PPM1L: variants seen among roughly 807,000 people sequenced by gnomAD.
PPM1L encodes protein phosphatase 1L.
PPM1L carries 13 observed loss-of-function variants against 31.4 expected under a neutral mutation model. That is an observed-to-expected ratio of 0.41 (90% CI 0.27 to 0.66). The LOEUF is 0.66. Among genes scored for constraint, PPM1L ranks in the 30% least tolerant of loss-of-function variants. PPM1L has a pLI of 0.29. For synonymous variants in PPM1L, 184 were observed against 175.4 expected (o/e 1.05, Z -0.39); for missense variants, 326 against 453.7 (o/e 0.72, Z 2.56).
At chr3:161,054,776 A>G (rs758431824) in intron 2 of PPM1L, among the ~76,000 whole-genome samples, 1 of 152,190 alleles carries the variant, frequency 6.6e-6, no homozygotes, top group Non-Finnish European at 1.5e-5. Flanking sequence ...ATGTATGCCA[A>G]GGACTAAGTA....
At chr3:160,965,996 TTCTC>T (rs1256820054) in intron 2 of PPM1L, among the ~76,000 whole-genome samples, 1 of 152,162 alleles carries the variant, frequency 6.6e-6, no homozygotes, top group East Asian at 1.9e-4. Flanking sequence ...CTTTTTCTCT[TTCTC>T]TCTCTCTTCC....
At chr3:160,909,919 T>C (rs1713896410) in intron 1 of PPM1L, among the ~76,000 whole-genome samples, 1 of 152,188 alleles carries the variant, frequency 6.6e-6, no homozygotes. Flanking sequence ...TCTGGGTTTC[T>C]GAAAAATGTG....
intron 2 of PPM1L, among the ~76,000 whole-genome samples, chr3:160,984,583 G>A (rs1716903683): frequency 6.6e-6 from 1 of 152,162 alleles, no homozygotes; most frequent in East Asian, 1.9e-4. Context: ...AATCACAAGA[G>A]TATTGATTGG....
At chr3:161,009,541 A>G (rs1717820833) in intron 2 of PPM1L, among the ~76,000 whole-genome samples, 1 of 152,094 alleles carries the variant, frequency 6.6e-6, no homozygotes, top group African/African-American at 2.4e-5. Flanking sequence ...CTTCCTTTTC[A>G]TTCATTACTC....
chr3:161,033,586 T>G (rs1718646851), intron 2 of PPM1L, among the ~76,000 whole-genome samples: 1 of 152,122 alleles, frequency 6.6e-6, no homozygotes, highest in African/African-American at 2.4e-5. Context: ...AAACAAGCAA[T>G]GGGGAAAGGA....
intron 1 of PPM1L, among the ~76,000 whole-genome samples, chr3:160,802,478 C>T (rs1281708787): frequency 6.6e-6 from 1 of 152,144 alleles, no homozygotes. Context: ...AGGTAGACAA[C>T]AGGGTCTCAT....
At chr3:160,887,111 G>A (rs752637717) in intron 1 of PPM1L, among the ~76,000 whole-genome samples, 5 of 151,812 alleles carry the variant, frequency 3.3e-5, no homozygotes, top group Admixed American at 6.6e-5. Context: ...AAGGATATCA[G>A]AGTTTTAAGA....
At chr3:160,833,063 T>G (rs1205480321) in intron 1 of PPM1L, among the ~76,000 whole-genome samples, 2 of 152,246 alleles carry the variant, frequency 1.3e-5, no homozygotes, top group South Asian at 2.1e-4. Flanking sequence ...GATAATGTCT[T>G]CCAGCTTCAT....
chr3:160,914,940 C>G (rs1475956131), intron 1 of PPM1L, among the ~76,000 whole-genome samples: 1 of 152,128 alleles, frequency 6.6e-6, no homozygotes, highest in Non-Finnish European at 1.5e-5. Context: ...TCCACATCCT[C>G]TCCAGCACCT....
chr3:161,072,541 T>G lies in PPM1L; in HGVS notation c.*3384T>G, dbSNP rs1719960075. 1 of 152,244 alleles carries G rather than the reference T, an allele frequency of 6.6e-6. No homozygotes were observed. The highest frequency in any genetic ancestry group is 1.5e-5 in the Non-Finnish European group (1 of 68,048). 9.4% of individuals were successfully genotyped at this position (152,244 alleles called of 1,614,324 possible). A position where few individuals can be genotyped will look rare whatever the true frequency, so the allele number is the denominator to read the frequency against. ...AGAGTGATGGCATCATCATTTCAAT[T>G]GAATCTGAAGTGATTCTAGGAAATT... On this transcript the variant is annotated 3_prime_UTR_variant, in exon 4 of 4. Coordinates refer to ENST00000498165, the MANE Select transcript of PPM1L (RefSeq NM_139245.4).
intron 1 of PPM1L, among the ~76,000 whole-genome samples, chr3:160,878,796 A>G (rs752140294): frequency 1.3e-5 from 2 of 152,232 alleles, no homozygotes; most frequent in African/African-American, 2.4e-5. Context: ...GGAAGGCACC[A>G]GTGATCCTTT....
At chr3:160,865,546 G>C (rs921157252) in intron 1 of PPM1L, among the ~76,000 whole-genome samples, 5 of 152,198 alleles carry the variant, frequency 3.3e-5, no homozygotes, top group African/African-American at 1.2e-4. Flanking sequence ...GGAGGCCAAG[G>C]TGGGCAGATC....
chr3:160,850,892 G>GC (rs928059809), intron 1 of PPM1L, among the ~76,000 whole-genome samples: 5 of 149,530 alleles, frequency 3.3e-5, no homozygotes, highest in East Asian at 2.0e-4. Context: ...GGTGGGGGGG[G>GC]GGTCATTATT....
chr3:160,792,296 G>T (rs1040827101), intron 1 of PPM1L, among the ~76,000 whole-genome samples: 1 of 152,008 alleles, frequency 6.6e-6, no homozygotes, highest in Non-Finnish European at 1.5e-5. Flanking sequence ...TGGAATTGTG[G>T]TATAATATGA....
At chr3:160,886,470 C>T (rs1210675152) in intron 1 of PPM1L, among the ~76,000 whole-genome samples, 1 of 152,192 alleles carries the variant, frequency 6.6e-6, no homozygotes, top group Non-Finnish European at 1.5e-5. Flanking sequence ...ATTGGTGCCC[C>T]TTGAGGTCAG....
chr3:160,995,751 G>A (rs1717299810), intron 2 of PPM1L, among the ~76,000 whole-genome samples: 1 of 152,200 alleles, frequency 6.6e-6, no homozygotes, highest in Non-Finnish European at 1.5e-5. Flanking sequence ...GTCTTGAATA[G>A]ATGTGAGAGA....
chr3:160,791,746 T>G (rs1241004410), intron 1 of PPM1L, among the ~76,000 whole-genome samples: 2 of 152,176 alleles, frequency 1.3e-5, no homozygotes, highest in African/African-American at 2.4e-5. Context: ...TAGGAATGCT[T>G]CTTTAGATTG....
At chr3:160,864,664 A>G (rs563703605) in intron 1 of PPM1L, among the ~76,000 whole-genome samples, 1 of 152,332 alleles carries the variant, frequency 6.6e-6, no homozygotes, top group Non-Finnish European at 1.5e-5. Flanking sequence ...CCAGATATAA[A>G]TGGATGAATA....
At chr3:160,926,892 G>A (rs1044400159) in intron 1 of PPM1L, among the ~76,000 whole-genome samples, 4 of 152,194 alleles carry the variant, frequency 2.6e-5, no homozygotes, top group African/African-American at 7.2e-5. Flanking sequence ...TCTTTAAGAG[G>A]CAAGGCACTT....
Sources: allele counts gnomAD v4.1 joint callset (sites outside exome capture counted in the v4.1 genomes callset), GRCh38; gene constraint gnomAD v4.1.1; transcripts MANE v1.5; gene names NCBI Gene and HGNC (gene_info 2026-07-23, HGNC 2026-07-21).